The following TFAP2A variants were observed in gnomAD, a reference collection of about 807,000 sequenced individuals.
The protein encoded by TFAP2A is transcription factor AP-2-alpha.
In TFAP2A, 7 loss-of-function variants were observed where a neutral mutation model predicts 41.5. That is an observed-to-expected ratio of 0.17 (90% CI 0.10 to 0.32). The LOEUF (loss-of-function observed/expected upper bound fraction) is 0.32, where lower values mean the gene tolerates loss of function less well. TFAP2A is among the 10% of genes least tolerant of loss of function. The pLI is 1.00. For missense variants in TFAP2A, 416 were observed against 563.3 expected, an observed-to-expected ratio of 0.74 and a Z score of 2.65; for synonymous variants, 247 against 242.8, an observed-to-expected ratio of 1.02 and a Z score of -0.16.
chr6:10,415,393 C>CTCTA, upstream of TFAP2A: 1 of 644,616 alleles, frequency 1.6e-6, no homozygotes, highest in African/African-American at 1.9e-5. Flanking sequence ...ATAAAGGCCT[C>CTCTA]TCTACGCCGC....
At chr6:10,403,579 A>C (rs1757521765) in intron 4 of TFAP2A, among the ~76,000 whole-genome samples, 1 of 152,200 alleles carries the variant, frequency 6.6e-6, no homozygotes, top group Admixed American at 6.5e-5. Context: ...AACAGTCAAA[A>C]CAATGAAGTT....
chr6:10,412,731 C>A (rs1035163040), intron 1 of TFAP2A: 9 of 301,658 alleles, frequency 3.0e-5, no homozygotes, highest in Non-Finnish European at 6.0e-5. Flanking sequence ...CGCTTCGCAG[C>A]CGAGTCTGGG....
intron 1 of TFAP2A, 61 bp downstream of exon 1, chr6:10,414,880 G>C: frequency 6.2e-7 from 1 of 1,606,520 alleles, no homozygotes; most frequent in Middle Eastern, 1.7e-4. Flanking sequence ...AGGAGGAGGA[G>C]AGGGAGGGTC....
chr6:10,415,368 C>T, upstream of TFAP2A: 2 of 967,184 alleles, frequency 2.1e-6, no homozygotes, highest in South Asian at 1.8e-5. Flanking sequence ...TGCCGCCGGC[C>T]GCTCCGACAC....
intron 1 of TFAP2A, chr6:10,411,489 G>A: frequency 6.2e-7 from 1 of 1,612,476 alleles, no homozygotes; most frequent in Non-Finnish European, 8.5e-7. Flanking sequence ...TGAAACCCGA[G>A]GTTTCGGGCA....
chr6:10,410,982 G>A (rs1757935379), intron 1 of TFAP2A: 1 of 157,680 alleles, frequency 6.3e-6, no homozygotes, highest in Non-Finnish European at 1.4e-5. Flanking sequence ...GTCAAGTCAA[G>A]GTTTAAAATA....
At chr6:10,404,782 C>A (rs1348040778) in intron 3 of TFAP2A, 43 bp from the exon 4 acceptor site, 1 of 1,577,284 alleles carries the variant, frequency 6.3e-7, no homozygotes, top group Non-Finnish European at 8.7e-7. Context: ...CGTCGTGGAT[C>A]ACCCCCAAAT....
chr6:10,403,161 G>A (rs374769217), intron 4 of TFAP2A, among the ~76,000 whole-genome samples: 2 of 152,338 alleles, frequency 1.3e-5, no homozygotes, highest in East Asian at 1.9e-4. Flanking sequence ...AGCCCTAAAA[G>A]TTTCACTGAT....
At chr6:10,407,804 C>G (rs569356723) in intron 2 of TFAP2A, 1 of 152,174 alleles carries the variant, frequency 6.6e-6, no homozygotes, top group African/African-American at 2.4e-5. Context: ...TGTGCCTGAT[C>G]GCAATGATTC....
In TFAP2A at chr6:10,396,779, T is replaced by C. The variant is rs991137970; in HGVS notation, c.*1638A>G. 7 of 152,614 alleles carry C rather than the reference T, an allele frequency of 4.6e-5. No homozygotes were observed. The highest frequency in any genetic ancestry group is 1.7e-4 in the African/African-American group (7 of 41,450). 9.5% of individuals were successfully genotyped at this position (152,614 alleles called of 1,614,324 possible). On this transcript the variant is annotated 3_prime_UTR_variant, in exon 7 of 7. Coordinates refer to ENST00000379613, the MANE Select transcript of TFAP2A (RefSeq NM_001372066.1). ...CTTTAGCAGTACAAACAATCTTTTA[T>C]CCAAAAGAATACATTGGGTTTTATT...
chr6:10,409,809 C>A (rs1373417447), intron 2 of TFAP2A, 92 bp downstream of exon 2: 2 of 1,441,540 alleles, frequency 1.4e-6, no homozygotes, highest in East Asian at 2.5e-5. Context: ...AGGGAGAACC[C>A]GGGCCCACCG....
At chr6:10,411,871 T>C in intron 1 of TFAP2A, 1 of 1,336,422 alleles carries the variant, frequency 7.5e-7, no homozygotes, top group South Asian at 1.6e-5. Context: ...TCTTTAAAAA[T>C]GAAAAACCCC....
chr6:10,397,870 A>G lies in TFAP2A; in HGVS notation c.*547T>C, dbSNP rs1761834391. 1 of 987,926 alleles carries G rather than the reference A, an allele frequency of 1.0e-6. No individual in the cohort carries two copies. Among genetic ancestry groups the G allele is most frequent in the African/African-American group, 1.8e-5 (1 of 56,980 alleles). The allele number at this position is 987,926 out of a possible 1,614,324, so 61.2% of individuals were successfully genotyped here. On this transcript the variant is annotated 3_prime_UTR_variant, in exon 7 of 7. Transcript: ENST00000379613. ...ATGGAACTTCGTGTATTTGTGTTCAAGTTTATTCACAATACTGATAAAAAT... is the reference window on the plus strand; with the variant it reads ...ATGGAACTTCGTGTATTTGTGTTCAGGTTTATTCACAATACTGATAAAAAT...
chr6:10,413,019 C>T (rs1758066457), intron 1 of TFAP2A: 1 of 152,322 alleles, frequency 6.6e-6, no homozygotes, highest in Admixed American at 6.5e-5. Flanking sequence ...CGGCAAAAAC[C>T]CGTCCGACTG....
upstream of TFAP2A, chr6:10,417,032 T>C (rs548903306): frequency 1.3e-5 from 2 of 152,550 alleles, no homozygotes; most frequent in East Asian, 3.9e-4. Flanking sequence ...TCCCAGCCTG[T>C]CGCCAGTGCA....
intron 3 of TFAP2A, chr6:10,405,965 G>T (rs2114019447): frequency 6.6e-6 from 1 of 152,272 alleles, no homozygotes; most frequent in East Asian, 1.9e-4. Context: ...AATTTGACGT[G>T]ACAAAGACTT....
chr6:10,407,856 T>C (rs902580677), intron 2 of TFAP2A: 1 of 152,246 alleles, frequency 6.6e-6, no homozygotes, highest in Non-Finnish European at 1.5e-5. Flanking sequence ...GGTTTTATTA[T>C]ACTCAATGCT....
chr6:10,415,384 T>G, upstream of TFAP2A: 1 of 757,118 alleles, frequency 1.3e-6, no homozygotes, highest in Non-Finnish European at 1.8e-6. Flanking sequence ...GACACAGGTA[T>G]AAAGGCCTCT....
intron 5 of TFAP2A, chr6:10,402,028 A>G (rs1762026538): frequency 3.0e-6 from 1 of 332,442 alleles, no homozygotes; most frequent in South Asian, 2.5e-5. Flanking sequence ...ATAAGGGAGC[A>G]TATGTTTGGA....
Sources: allele counts gnomAD v4.1 joint callset (sites outside exome capture counted in the v4.1 genomes callset), GRCh38; gene constraint gnomAD v4.1.1; transcripts MANE v1.5; gene names NCBI Gene and HGNC (gene_info 2026-07-23, HGNC 2026-07-21).